TAFA1: variants seen among roughly 807,000 people sequenced by gnomAD.
TAFA1 encodes the protein TAFA chemokine like family member 1, also known as chemokine-like protein TAFA-1.
A neutral mutation model predicts 18.5 loss-of-function variants in TAFA1; 4 were observed. That is an observed-to-expected ratio of 0.22 (90% CI 0.11 to 0.49). The LOEUF (loss-of-function observed/expected upper bound fraction) is 0.49. Among genes scored for constraint, TAFA1 ranks in the 20% least tolerant of loss-of-function variants. The pLI is 0.98. For missense variants in TAFA1, 147 were observed against 169.0 expected (o/e 0.87, Z 0.72); for synonymous variants, 56 against 55.2 (o/e 1.01, Z -0.06).
chr3:68,378,871 A>G (rs1559641583), intron 2 of TAFA1, among the ~76,000 whole-genome samples: 1 of 152,192 alleles, frequency 6.6e-6, no homozygotes, highest in Non-Finnish European at 1.5e-5. Context: ...CATGTGAAGA[A>G]GGTCCTTGCT....
chr3:68,366,405 T>A (rs1193510215), intron 2 of TAFA1, among the ~76,000 whole-genome samples: 1 of 152,206 alleles, frequency 6.6e-6, no homozygotes, highest in Non-Finnish European at 1.5e-5. Flanking sequence ...AGGATTCTTG[T>A]GTAAAGCAGC....
chr3:68,335,779 C>T (rs938443588), intron 2 of TAFA1, among the ~76,000 whole-genome samples: 8 of 152,018 alleles, frequency 5.3e-5, no homozygotes, highest in Admixed American at 6.5e-5. Context: ...ACCCAGTTGC[C>T]GCTGAATTAT....
chr3:68,224,589 A>G (rs2066773123), intron 2 of TAFA1, among the ~76,000 whole-genome samples: 1 of 152,120 alleles, frequency 6.6e-6, no homozygotes, highest in African/African-American at 2.4e-5. Flanking sequence ...TTGAGGGACC[A>G]TACACAGTTG....
At chr3:68,292,563 A>G (rs1016340461) in intron 2 of TAFA1, among the ~76,000 whole-genome samples, 4 of 152,146 alleles carry the variant, frequency 2.6e-5, no homozygotes, top group South Asian at 2.1e-4. Flanking sequence ...GTCTCACTCT[A>G]TCGCCCAAGC....
At chr3:68,061,866 G>T (rs866519558) in intron 2 of TAFA1, among the ~76,000 whole-genome samples, 8 of 152,078 alleles carry the variant, frequency 5.3e-5, no homozygotes, top group Middle Eastern at 6.4e-3. Context: ...GTGCAGCATG[G>T]TTTCTCTCTT....
At chr3:68,314,986 A>C in intron 2 of TAFA1, among the ~76,000 whole-genome samples, 1 of 147,026 alleles carries the variant, frequency 6.8e-6, no homozygotes, top group Admixed American at 6.8e-5. Flanking sequence ...AAATATATTA[A>C]GAAAATCATC....
At chr3:68,149,733 G>C (rs2065782957) in intron 2 of TAFA1, among the ~76,000 whole-genome samples, 1 of 152,156 alleles carries the variant, frequency 6.6e-6, no homozygotes, top group Admixed American at 6.5e-5. Context: ...ATTTCAACAT[G>C]ATATTTGGGA....
intron 3 of TAFA1, among the ~76,000 whole-genome samples, chr3:68,485,565 C>A (rs2072319796): frequency 6.6e-6 from 1 of 152,176 alleles, no homozygotes; most frequent in African/African-American, 2.4e-5. Context: ...TATTTCAATT[C>A]CTCTATTTCC....
At chr3:68,402,641 G>A (rs2070520367) in intron 2 of TAFA1, among the ~76,000 whole-genome samples, 1 of 152,138 alleles carries the variant, frequency 6.6e-6, no homozygotes, top group African/African-American at 2.4e-5. Context: ...GTAGATGTGA[G>A]GCACAGCCCT....
At chr3:68,073,078 T>G (rs1023485750) in intron 2 of TAFA1, among the ~76,000 whole-genome samples, 4 of 152,148 alleles carry the variant, frequency 2.6e-5, no homozygotes, top group Non-Finnish European at 5.9e-5. Flanking sequence ...AATTCCAGGC[T>G]TCCAAAGAAA....
chr3:68,046,928 A>AT (rs897987060), intron 2 of TAFA1, among the ~76,000 whole-genome samples: 2 of 152,198 alleles, frequency 1.3e-5, no homozygotes, highest in African/African-American at 4.8e-5. Context: ...AGGCATATTG[A>AT]TTTTTTAAAA....
intron 2 of TAFA1, among the ~76,000 whole-genome samples, chr3:68,255,962 A>G (rs1488688649): frequency 6.6e-6 from 1 of 152,110 alleles, no homozygotes; most frequent in African/African-American, 2.4e-5. Flanking sequence ...TTGTTAATCA[A>G]TCTATTTACT....
At chr3:68,500,808 T>C (rs4488833) in intron 3 of TAFA1, among the ~76,000 whole-genome samples, 121,512 of 151,898 alleles carry the variant, frequency 0.8, 48,932 homozygotes, top group African/African-American at 0.89. Flanking sequence ...ACTTCAGAAG[T>C]TCATGAACAG....
At chr3:68,022,596 G>A (rs749450892) in intron 2 of TAFA1, among the ~76,000 whole-genome samples, 21 of 151,940 alleles carry the variant, frequency 1.4e-4, no homozygotes, top group Non-Finnish European at 2.5e-4. Flanking sequence ...AATTTGAGTA[G>A]CGAAGAATTC....
At chr3:68,147,488 C>T (rs2065755925) in intron 2 of TAFA1, among the ~76,000 whole-genome samples, 1 of 152,084 alleles carries the variant, frequency 6.6e-6, no homozygotes, top group Admixed American at 6.6e-5. Flanking sequence ...TGCCTTCGAT[C>T]TCTAGGGCCA....
rs188285044 is a variant in TAFA1, at chr3:68,122,468, A to G, written c.118+115724A>G. 2.6e-5 allele frequency among the ~76,000 whole-genome samples: 4 copies of G among 152,352 alleles called. No homozygotes were observed. In the East Asian group the frequency reaches 7.7e-4, roughly 29 times the overall value. ...AAGATTGAAAAAGAATCGCAAATGA[A>G]GACAATAGAATGAAAAGATTATATG... is the stretch of plus-strand genomic sequence containing the variant. On this transcript the variant is annotated intron_variant, in intron 2 of 4. Coordinates refer to ENST00000478136, the MANE Select transcript of TAFA1 (RefSeq NM_213609.4).
chr3:68,106,967 A>T (rs1424107948), intron 2 of TAFA1, among the ~76,000 whole-genome samples: 1 of 152,184 alleles, frequency 6.6e-6, no homozygotes, highest in Non-Finnish European at 1.5e-5. Context: ...TGAAACTCTC[A>T]TACATTGTTG....
chr3:68,543,238 G>A (rs563166467), intron 4 of TAFA1, among the ~76,000 whole-genome samples: 41 of 152,176 alleles, frequency 2.7e-4, no homozygotes, highest in African/African-American at 8.9e-4. Flanking sequence ...TGACAATGAT[G>A]GAATAATTTC....
chr3:68,076,044 G>A (rs1428469980), intron 2 of TAFA1, among the ~76,000 whole-genome samples: 1 of 152,114 alleles, frequency 6.6e-6, no homozygotes, highest in African/African-American at 2.4e-5. Flanking sequence ...AATCATCTAG[G>A]AAAAATCTCC....
Sources: allele counts gnomAD v4.1 joint callset (sites outside exome capture counted in the v4.1 genomes callset), GRCh38; gene constraint gnomAD v4.1.1; transcripts MANE v1.5; gene names NCBI Gene and HGNC (gene_info 2026-07-23, HGNC 2026-07-21).